Variants in CFAP20 observed in about 807,000 individuals in gnomAD.
CFAP20 encodes cilia and flagella associated protein 20, also known as cilia- and flagella-associated protein 20.
Under a neutral mutation model 25.5 loss-of-function variants are expected in CFAP20, and 14 were observed. The observed-to-expected ratio is 0.55, with a 90% CI of 0.36 to 0.86. CFAP20 has a LOEUF of 0.86. CFAP20 is among the 40% of genes least tolerant of loss of function. The pLI is 0.01. For synonymous variants in CFAP20, 75 were observed against 91.1 expected (o/e 0.82, Z 1.01); for missense variants, 181 against 248.0 (o/e 0.73, Z 1.81).
intron 1 of CFAP20, among the ~76,000 whole-genome samples, chr16:58,120,262 A>G (rs1317300851): frequency 6.6e-6 from 1 of 152,276 alleles, no homozygotes; most frequent in African/African-American, 2.4e-5. Flanking sequence ...AACTGCAAAG[A>G]GCAAATAGAC....
chr16:58,122,320 C>T (rs981116212), intron 1 of CFAP20, among the ~76,000 whole-genome samples: 2 of 152,196 alleles, frequency 1.3e-5, no homozygotes, highest in Non-Finnish European at 2.9e-5. Context: ...GTGGCTCACG[C>T]CTGTAATCCC....
intron 1 of CFAP20, among the ~76,000 whole-genome samples, chr16:58,123,595 C>CAAAAAAAAA (rs574037205): frequency 2.4e-4 from 11 of 45,716 alleles, no homozygotes; most frequent in South Asian, 9.4e-4. Context: ...GACTCTGTCT[C>CAAAAAAAAA]AAAAAAAAAA....
chr16:58,116,776 C>T, intron 2 of CFAP20, 96 bp downstream of exon 2: 2 of 1,121,458 alleles, frequency 1.8e-6, no homozygotes, highest in Non-Finnish European at 1.3e-6. Flanking sequence ...AGACTCACAT[C>T]CGGCACTCTG....
rs981940417 is a variant in CFAP20, at chr16:58,117,046, G to T, written c.85-95C>A. Reference sequence around the variant, plus strand: ...CACGGTAGCCCAAGAGGCGTACAAAGAAATTTGTGACACAGCACACTGAAG... The same window carrying T: ...CACGGTAGCCCAAGAGGCGTACAAATAAATTTGTGACACAGCACACTGAAG... On this transcript the variant is annotated intron_variant, in intron 1 of 5. Transcript: ENST00000262498. 2.1e-5 allele frequency: 23 copies of T among 1,087,404 alleles called. No homozygotes were observed. In the African/African-American group the frequency reaches 2.7e-4, roughly 13 times the overall value. 67.4% of individuals were successfully genotyped at this position (1,087,404 alleles called of 1,614,324 possible).
intron 1 of CFAP20, chr16:58,119,437 T>C (rs980989921): frequency 3.3e-5 from 5 of 152,234 alleles, no homozygotes; most frequent in African/African-American, 9.6e-5. Flanking sequence ...TAAAAATTCC[T>C]GGATAACACA....
chr16:58,119,826 G>A (rs112692763), intron 1 of CFAP20, among the ~76,000 whole-genome samples: 3 of 144,494 alleles, frequency 2.1e-5, no homozygotes, highest in Admixed American at 7.0e-5. Flanking sequence ...CCCAACCTAA[G>A]TGCCCACCTC....
chr16:58,127,617 T>A (rs977602042), intron 1 of CFAP20, among the ~76,000 whole-genome samples: 6 of 152,178 alleles, frequency 3.9e-5, no homozygotes, highest in Non-Finnish European at 7.3e-5. Context: ...TACATGAAAC[T>A]AAAAACCTCA....
At position 58,115,302 on chromosome 16, in the gene CFAP20, G is replaced by A. The variant is rs750572831; in HGVS notation, c.432C>T (p.Tyr144=). The A allele has an allele frequency of 1.7e-5, 28 of 1,614,060 alleles. No individual in the cohort carries two copies. The highest frequency in any genetic ancestry group is 6.6e-5 in the South Asian group (6 of 91,082). ...TGAGGGTCTCGATGTAATTGGTGCC[G>A]TATGCTCGCCGTGTGAAGTCTAGCA... is the stretch of plus-strand genomic sequence containing the variant. ...FNLLDFTRRA[Y]GTNYIETLRV... Residue 144 remains tyrosine, a synonymous_variant, in exon 4 of 6, where the codon TAC becomes TAT. Coordinates refer to ENST00000262498, the MANE Select transcript of CFAP20 (RefSeq NM_013242.3).
At chr16:58,128,708 G>A (rs903877035) in intron 1 of CFAP20, among the ~76,000 whole-genome samples, 1 of 152,128 alleles carries the variant, frequency 6.6e-6, no homozygotes, top group Non-Finnish European at 1.5e-5. Context: ...TTATATTGGT[G>A]GGGAAACAGT....
At chr16:58,116,777 C>T (rs1421649641) in intron 2 of CFAP20, 95 bp downstream of exon 2, 16 of 1,133,650 alleles carry the variant, frequency 1.4e-5, no homozygotes, top group South Asian at 1.0e-4. Context: ...GACTCACATC[C>T]GGCACTCTGA....
In CFAP20 at chr16:58,129,179, C is replaced by A. The variant is rs995685501; in HGVS notation, c.-64G>T. The stretch of plus-strand genomic sequence containing the variant: ...ACCTAGGCCCCGGAGTAGATACAGG[C>A]ACCGAGCGTCGAGGGCACAGCAGCA... On this transcript the variant is annotated 5_prime_UTR_variant, in exon 1 of 6. Transcript: ENST00000262498. 5.8e-6 allele frequency: 9 copies of A among 1,564,606 alleles called. No individual in the cohort carries two copies. The African/African-American group carries it at 1.1e-4, about 19-fold the overall frequency.
rs1960417323 is a variant in CFAP20 at position 58,113,941 on chromosome 16, A to G, written c.*84T>C. 6.9e-7 allele frequency: 1 copy of G among 1,453,138 alleles called. No individual in the cohort carries two copies. Among genetic ancestry groups the G allele is most frequent in the South Asian group, 1.1e-5 (1 of 87,726 alleles). The allele number at this position is 1,453,138 out of a possible 1,614,324, so 90.0% of individuals were successfully genotyped here. A position where few individuals can be genotyped will look rare whatever the true frequency, so the allele number is the denominator to read the frequency against. On this transcript the variant is annotated 3_prime_UTR_variant, in exon 6 of 6. Transcript: ENST00000262498. ...TACAGCAGAGCAAACTAAGATAAATATGTTTTTGCATCGTCCTCCACATAG... is the reference window on the plus strand; with the variant it reads ...TACAGCAGAGCAAACTAAGATAAATGTGTTTTTGCATCGTCCTCCACATAG...
At chr16:58,115,596 G>A in intron 3 of CFAP20, 139 bp from the exon 4 acceptor site, 4 of 969,974 alleles carry the variant, frequency 4.1e-6, no homozygotes, top group South Asian at 1.7e-5. Context: ...ACCAGACACA[G>A]GTCATACACT....
chr16:58,122,980 A>G (rs1960555670), intron 1 of CFAP20, among the ~76,000 whole-genome samples: 1 of 152,012 alleles, frequency 6.6e-6, no homozygotes, highest in African/African-American at 2.4e-5. Context: ...ATCTCATCTC[A>G]TGTACTTTTA....
At chr16:58,125,627 T>A (rs1164403908) in intron 1 of CFAP20, among the ~76,000 whole-genome samples, 1 of 152,194 alleles carries the variant, frequency 6.6e-6, no homozygotes, top group East Asian at 1.9e-4. Flanking sequence ...GAGACTGCAG[T>A]GAGCCCTGAT....
intron 2 of CFAP20, chr16:58,116,565 G>C: frequency 2.4e-6 from 1 of 421,080 alleles, no homozygotes; most frequent in Non-Finnish European, 4.2e-6. Context: ...ACACACTTTG[G>C]TTAATAATAT....
At chr16:58,114,525 C>CAAAAAAAAAAAAAAAAAA (rs57272078) in intron 5 of CFAP20, among the ~76,000 whole-genome samples, 5 of 129,002 alleles carry the variant, frequency 3.9e-5, no homozygotes, top group South Asian at 2.7e-4. Flanking sequence ...GACTCCATCT[C>CAAAAAAAAAAAAAAAAAA]AAAAAAAAAA....
At position 58,129,176 on chromosome 16, in the gene CFAP20, A is replaced by G. The variant is rs964581674; in HGVS notation, c.-61T>C. On this transcript the variant is annotated 5_prime_UTR_variant, in exon 1 of 6. Transcript: ENST00000262498. ...CCGACCTAGGCCCCGGAGTAGATAC[A>G]GGCACCGAGCGTCGAGGGCACAGCA... is the stretch of plus-strand genomic sequence containing the variant. 6.4e-6 allele frequency: 10 copies of G among 1,573,804 alleles called. No homozygotes were observed. Among genetic ancestry groups the G allele is most frequent in the Non-Finnish European group, 8.7e-6 (10 of 1,151,966 alleles).
At position 58,128,954 on chromosome 16, in the gene CFAP20, C is replaced by A; in HGVS notation, c.84+78G>T. ...TCTCCCAGGCCCCAATTCGACACAA[C>A]CATTCCCCGTCCCCAGCCCCCGGAC... On this transcript the variant is annotated intron_variant, in intron 1 of 5. Transcript: ENST00000262498. 3.4e-6 allele frequency: 5 copies of A among 1,467,166 alleles called. No individual in the cohort carries two copies. The South Asian group carries it at 5.9e-5, about 17-fold the overall frequency. 90.9% of individuals were successfully genotyped at this position (1,467,166 alleles called of 1,614,324 possible).
Sources: allele counts gnomAD v4.1 joint callset (sites outside exome capture counted in the v4.1 genomes callset), GRCh38; gene constraint gnomAD v4.1.1; transcripts MANE v1.5; gene names NCBI Gene and HGNC (gene_info 2026-07-23, HGNC 2026-07-21).